CEP350: variants seen among roughly 807,000 people sequenced by gnomAD.
CEP350 encodes centrosome-associated protein 350.
A neutral mutation model predicts 331.8 loss-of-function variants in CEP350; 126 were observed. The observed-to-expected ratio is 0.38, with a 90% confidence interval of 0.33 to 0.44. CEP350 has a LOEUF of 0.44. CEP350 is among the 20% of genes least tolerant of loss of function. The pLI is 1.00. For synonymous variants in CEP350, 1,200 were observed against 1,259.5 expected, an observed-to-expected ratio of 0.95 and a Z score of 1.00; for missense variants, 3,406 against 3,634.6, an observed-to-expected ratio of 0.94 and a Z score of 1.62.
intron 37 of CEP350, among the ~76,000 whole-genome samples, chr1:180,101,545 T>G (rs1660813333): frequency 6.6e-6 from 1 of 152,144 alleles, no homozygotes; most frequent in Non-Finnish European, 1.5e-5. Context: ...CATATGTGTG[T>G]GGACTTTTCC....
At position 180,020,988 on chromosome 1, in the gene CEP350, T is replaced by C. The variant is rs1655287292; in HGVS notation, c.3214T>C (p.Ser1072Pro). 2 of 1,550,724 alleles carry C rather than the reference T, an allele frequency of 1.3e-6. No homozygotes were observed. The highest frequency in any genetic ancestry group is 1.7e-6 in the Non-Finnish European group (2 of 1,155,464). ...TAGCGTCATTAATATTTTTACAAAA[T>C]CCTATCAGTTATATGGAAAAGGTGA... ...PHSVINIFTK[S>P]YQLYGKGFED... The change falls in exon 12 of 38, where the codon TCC (serine) becomes CCC (proline). Residue 1072 changes from serine (S) to proline (P), a missense_variant. Around this residue, in one of 5 missense-constraint regions of CEP350, gnomAD observed 1,857 missense variants for 1,909.2 expected, o/e 0.97. Transcript: ENST00000367607.
At chr1:180,077,673 A>AG (rs1160245085) in intron 28 of CEP350, among the ~76,000 whole-genome samples, 1 of 148,564 alleles carries the variant, frequency 6.7e-6, no homozygotes, top group African/African-American at 2.5e-5. Context: ...TCAAAAAGTA[A>AG]AAAAAAAAAA....
intron 29 of CEP350, 59 bp from the exon 30 acceptor site, chr1:180,080,458 A>T (rs1571969786): frequency 1.3e-6 from 2 of 1,489,678 alleles, no homozygotes; most frequent in Non-Finnish European, 1.8e-6. Context: ...GTCAAATTTT[A>T]AATAGAATTT....
rs1655289220 is a variant in CEP350 at position 180,021,016 on chromosome 1, A to G, written c.3235+7A>G. On this transcript the variant is annotated splice_region_variant and intron_variant, in intron 12 of 37. Transcript: ENST00000367607. The stretch of plus-strand genomic sequence containing the variant: ...TATCAGTTATATGGAAAAGGTGAGA[A>G]AAATAAATATAGCTTGTACTGTTTG... 6.7e-7 allele frequency: 1 copy of G among 1,493,830 alleles called. No homozygotes were observed. Among genetic ancestry groups the G allele is most frequent in the Non-Finnish European group, 8.9e-7 (1 of 1,125,714 alleles). 92.5% of individuals were successfully genotyped at this position (1,493,830 alleles called of 1,614,324 possible). A position where few individuals can be genotyped will look rare whatever the true frequency, so the allele number is the denominator to read the frequency against.
At position 180,080,672 on chromosome 1, in the gene CEP350, T is replaced by G; in HGVS notation, c.6124+11T>G. 1 of 1,611,366 alleles carries G rather than the reference T, an allele frequency of 6.2e-7. No homozygotes were observed. Among genetic ancestry groups the G allele is most frequent in the South Asian group, 1.1e-5 (1 of 91,022 alleles). On this transcript the variant is annotated intron_variant, in intron 30 of 37. Coordinates refer to ENST00000367607, the MANE Select transcript of CEP350 (RefSeq NM_014810.5). ...CTATGACACAGTCAGGTAAGACTAA[T>G]CATGAGGAGTTTTTATTTGTGTTGT...
Position 180,091,319 on chromosome 1 carries a change from G to A in CEP350, c.6508+523G>A, listed in dbSNP as rs113908538. Among the ~76,000 whole-genome samples, 189 of 151,966 alleles carry A rather than the reference G, an allele frequency of 1.2e-3. 1 individual carries two copies. Among genetic ancestry groups the A allele is most frequent in the Non-Finnish European group, 1.0e-3 (70 of 67,956 alleles). On this transcript the variant is annotated intron_variant, in intron 33 of 37. Coordinates refer to ENST00000367607, the MANE Select transcript of CEP350 (RefSeq NM_014810.5). Reference sequence around the variant, plus strand: ...CTTCAGCCAAAGTGGTGAGATTATGGGCATGAGCCACCACACTCAGCTGAA... The same window carrying A: ...CTTCAGCCAAAGTGGTGAGATTATGAGCATGAGCCACCACACTCAGCTGAA...
intron 31 of CEP350, among the ~76,000 whole-genome samples, chr1:180,086,224 G>A (rs915013021): frequency 5.9e-5 from 9 of 152,260 alleles, no homozygotes; most frequent in African/African-American, 2.2e-4. Flanking sequence ...ATACTGAGGA[G>A]TTCATGCTGG....
intron 27 of CEP350, among the ~76,000 whole-genome samples, chr1:180,070,013 G>C (rs1228402355): frequency 6.6e-6 from 1 of 152,180 alleles, no homozygotes; most frequent in Non-Finnish European, 1.5e-5. Flanking sequence ...AAATAGAGCA[G>C]TGATTCTTAA....
At chr1:179,960,039 A>G (rs1314386234) in intron 1 of CEP350, among the ~76,000 whole-genome samples, 1 of 152,222 alleles carries the variant, frequency 6.6e-6, no homozygotes, top group South Asian at 2.1e-4. Flanking sequence ...GGTCCTATGC[A>G]TACATTTAAG....
intron 27 of CEP350, among the ~76,000 whole-genome samples, chr1:180,067,518 C>T (rs547840945): frequency 1.3e-5 from 2 of 152,186 alleles, no homozygotes; most frequent in East Asian, 3.9e-4. Context: ...GGTGAAACCT[C>T]ATCTCTACTA....
At chr1:180,083,264 A>G (rs1303557355) in intron 30 of CEP350, among the ~76,000 whole-genome samples, 2 of 152,218 alleles carry the variant, frequency 1.3e-5, no homozygotes, top group African/African-American at 2.4e-5. Context: ...TTTCTATCCT[A>G]TGTAATTTCC....
At chr1:179,973,957 A>C (rs1651646950) in intron 1 of CEP350, among the ~76,000 whole-genome samples, 1 of 151,462 alleles carries the variant, frequency 6.6e-6, no homozygotes, top group Non-Finnish European at 1.5e-5. Flanking sequence ...CATGTTTCTT[A>C]ACGCTTCTGT....
At chr1:179,985,988 C>T (rs28490969) in intron 1 of CEP350, among the ~76,000 whole-genome samples, 181 bp from the exon 2 acceptor site, 9 of 152,090 alleles carry the variant, frequency 5.9e-5, no homozygotes, top group African/African-American at 9.7e-5. Flanking sequence ...ACAGCACACA[C>T]GGGTTCTAGT....
intron 19 of CEP350, among the ~76,000 whole-genome samples, chr1:180,042,095 G>T (rs1271910976): frequency 6.7e-6 from 1 of 149,208 alleles, no homozygotes; most frequent in African/African-American, 2.5e-5. Flanking sequence ...ACAATAAAAT[G>T]TACCTATTTT....
In CEP350 at chr1:180,114,143, A is replaced by G. The variant is rs1175110108; in HGVS notation, c.*2982A>G. On this transcript the variant is annotated 3_prime_UTR_variant, in exon 38 of 38. Coordinates refer to ENST00000367607, the MANE Select transcript of CEP350 (RefSeq NM_014810.5). ...TTTCAAAAGAGATTTCATTGCTCAT[A>G]AGAGTGTTGTGGCCTATTGATAAAA... The G allele has an allele frequency of 6.6e-6, 1 of 152,600 alleles. No individual in the cohort carries two copies. Among genetic ancestry groups the G allele is most frequent in the African/African-American group, 2.4e-5 (1 of 41,448 alleles). 9.5% of individuals were successfully genotyped at this position (152,600 alleles called of 1,614,324 possible).
At chr1:180,011,724 T>G (rs1654671842) in intron 8 of CEP350, among the ~76,000 whole-genome samples, 1 of 152,222 alleles carries the variant, frequency 6.6e-6, no homozygotes. Flanking sequence ...CATTTTACAT[T>G]TATTTCAGAT....
chr1:179,965,743 A>G (rs1031565937), intron 1 of CEP350, among the ~76,000 whole-genome samples: 2 of 146,510 alleles, frequency 1.4e-5, no homozygotes, highest in African/African-American at 2.5e-5. Flanking sequence ...GTCTCAGCCT[A>G]TTGAATAGCT....
At chr1:180,096,852 T>A (rs560736346) in intron 36 of CEP350, among the ~76,000 whole-genome samples, 4 of 152,210 alleles carry the variant, frequency 2.6e-5, no homozygotes, top group African/African-American at 9.7e-5. Flanking sequence ...AGAGCAGTGA[T>A]TCTCAACTTT....
At chr1:180,032,178 T>C (rs2148882570) in intron 15 of CEP350, among the ~76,000 whole-genome samples, 1 of 152,256 alleles carries the variant, frequency 6.6e-6, no homozygotes, top group Non-Finnish European at 1.5e-5. Flanking sequence ...CAGTTCCTAC[T>C]CATTTGTCCA....
Sources: gnomAD v4.1 joint callset for allele counts (sites outside exome capture counted in the v4.1 genomes callset) on GRCh38, gnomAD v4.1.1 for gene constraint, gnomAD v4.1.1 regional missense constraint, MANE v1.5 for transcripts, NCBI Gene and HGNC (gene_info 2026-07-23, HGNC 2026-07-21) for gene names.